MRE11: variants seen among roughly 807,000 people sequenced by gnomAD.
MRE11 encodes the protein double-strand break repair protein MRE11.
In MRE11, 62 loss-of-function variants were observed where a neutral mutation model predicts 91.7. The observed-to-expected ratio is 0.68, with a 90% CI of 0.55 to 0.84. MRE11 has a LOEUF of 0.84. Among genes scored for constraint, MRE11 ranks in the 40% least tolerant of loss-of-function variants. The pLI is 0.00. For synonymous variants in MRE11, 273 were observed against 271.4 expected (o/e 1.01, Z -0.06); for missense variants, 796 against 852.9 (o/e 0.93, Z 0.83).
intron 19 of MRE11, 71 bp downstream of exon 19, chr11:94,429,840 T>C: frequency 7.5e-7 from 1 of 1,325,714 alleles, no homozygotes; most frequent in Non-Finnish European, 1.0e-6. Context: ...GTTCAGCAAC[T>C]AGCTGGCAGT....
intron 3 of MRE11, among the ~76,000 whole-genome samples, chr11:94,489,926 AC>A (rs1280894527): frequency 1.3e-5 from 2 of 151,984 alleles, no homozygotes; most frequent in East Asian, 3.9e-4. Flanking sequence ...CAAACTCCAC[AC>A]ACTTCAGAGT....
chr11:94,450,775 A>T (rs994455387), intron 14 of MRE11, among the ~76,000 whole-genome samples: 3 of 152,194 alleles, frequency 2.0e-5, no homozygotes, highest in Non-Finnish European at 4.4e-5. Flanking sequence ...TCTGTATCCA[A>T]AAAGCTAGGA....
At position 94,453,028 on chromosome 11, in the gene MRE11, T is replaced by C. The variant is rs186657013; in HGVS notation, c.1563+3248A>G. Among the ~76,000 whole-genome samples the C allele has an allele frequency of 1.5e-4, 23 of 152,318 alleles. No homozygotes were observed. In the East Asian group the frequency reaches 3.7e-3, roughly 24 times the overall value. ...CCAGTAACCACTATTCTACCTTCTGTTTCTATGAATCTGATTACTCTAGGT... is the reference window on the plus strand; with the variant it reads ...CCAGTAACCACTATTCTACCTTCTGCTTCTATGAATCTGATTACTCTAGGT... On this transcript the variant is annotated intron_variant, in intron 14 of 19. Coordinates refer to ENST00000323929, the MANE Select transcript of MRE11 (RefSeq NM_005591.4).
intron 19 of MRE11, among the ~76,000 whole-genome samples, chr11:94,422,877 C>T (rs1039595645): frequency 6.6e-6 from 1 of 152,066 alleles, no homozygotes; most frequent in African/African-American, 2.4e-5. Context: ...CCATGTCCGG[C>T]TAATTTTGTA....
intron 17 of MRE11, 56 bp from the exon 18 acceptor site, chr11:94,435,955 A>C: frequency 7.0e-7 from 1 of 1,428,590 alleles, no homozygotes; most frequent in Non-Finnish European, 9.9e-7. Flanking sequence ...CTGAATAAAA[A>C]TGAAAATGAA....
chr11:94,433,593 G>T (rs547927398), intron 18 of MRE11, among the ~76,000 whole-genome samples: 2 of 152,138 alleles, frequency 1.3e-5, no homozygotes, highest in Non-Finnish European at 2.9e-5. Flanking sequence ...ATTGAATCAC[G>T]GGGGCAGTTC....
upstream of MRE11, chr11:94,493,856 G>T (rs535761251): frequency 6.6e-6 from 1 of 152,354 alleles, no homozygotes; most frequent in Non-Finnish European, 1.5e-5. Flanking sequence ...TTTCTCTCGC[G>T]ACACTTCATG....
Position 94,479,717 on chromosome 11 carries a change from A to G in MRE11, c.359T>C (p.Ile120Thr). Residue 120 changes from isoleucine to threonine, a missense_variant, in exon 5 of 20, where the codon ATT becomes ACT. Transcript: ENST00000323929. ...NYQDGNLNIS[I>T]PVFSIHGNHD... ...ATTGCCATGAATACTAAACACTGGA[A>G]TTGAAATGTTGAGGTTGCCATCTTG... 6.2e-7 allele frequency: 1 copy of G among 1,613,232 alleles called. No homozygotes were observed. The highest frequency in any genetic ancestry group is 8.5e-7 in the Non-Finnish European group (1 of 1,179,742).
chr11:94,466,447 C>T, intron 10 of MRE11: 1 of 525,386 alleles, frequency 1.9e-6, no homozygotes, highest in South Asian at 1.4e-5. Context: ...AGATTACCTA[C>T]TGTGCAACAG....
At chr11:94,484,603 T>C (rs369599310) in intron 4 of MRE11, among the ~76,000 whole-genome samples, 222 of 152,330 alleles carry the variant, frequency 1.5e-3, no homozygotes, top group South Asian at 4.1e-3. Context: ...TGGAGAAACC[T>C]GGCAGAGACC....
chr11:94,492,056 T>C (rs1165640629), intron 2 of MRE11, among the ~76,000 whole-genome samples: 2 of 152,190 alleles, frequency 1.3e-5, no homozygotes, highest in Non-Finnish European at 2.9e-5. Flanking sequence ...ACTGCTGACT[T>C]GCCCAAGGTC....
intron 14 of MRE11, among the ~76,000 whole-genome samples, chr11:94,454,367 C>T (rs1336712300): frequency 6.6e-6 from 1 of 152,102 alleles, no homozygotes; most frequent in Non-Finnish European, 1.5e-5. Context: ...TCACAATGCC[C>T]AGCCTGAAAG....
chr11:94,438,351 C>A (rs1279026886), intron 16 of MRE11, among the ~76,000 whole-genome samples: 2 of 152,176 alleles, frequency 1.3e-5, no homozygotes, highest in Non-Finnish European at 2.9e-5. Context: ...TTCTATCTAA[C>A]CTAAATTTAT....
chr11:94,470,428 T>C, intron 9 of MRE11, 43 bp downstream of exon 9: 9 of 1,582,996 alleles, frequency 5.7e-6, no homozygotes, highest in Non-Finnish European at 7.8e-6. Flanking sequence ...TGAATAATTC[T>C]TCAACTAAAG....
intron 19 of MRE11, among the ~76,000 whole-genome samples, chr11:94,422,200 T>G (rs939350906): frequency 6.6e-6 from 1 of 152,122 alleles, no homozygotes; most frequent in African/African-American, 2.4e-5. Flanking sequence ...GTCATGTAGT[T>G]TTATTTAAAC....
rs907660509 is a variant in MRE11 at position 94,437,228 on chromosome 11, T to G, written c.1875A>C (p.Lys625Asn). The change falls in exon 17 of 20, where the codon AAA (lysine) becomes AAC (asparagine). Residue 625 changes from lysine to asparagine, a missense_variant. Physicochemically the swap from Lys to Asn is moderately conservative, Grantham distance 94. Transcript: ENST00000323929. ...SRNMSIIDAF[K>N]STRQQPSRNV... ...TTCGGGAAGGCTGCTGTCTTGTAGA[T>G]TTAAAGGCTAGAATGAAAAAGATGA... 11 of 1,612,698 alleles carry G rather than the reference T, an allele frequency of 6.8e-6. No individual in the cohort carries two copies. Among genetic ancestry groups the G allele is most frequent in the African/African-American group, 1.3e-5 (1 of 74,880 alleles).
At chr11:94,452,230 C>A (rs1383114882) in intron 14 of MRE11, among the ~76,000 whole-genome samples, 3 of 150,818 alleles carry the variant, frequency 2.0e-5, no homozygotes, top group Non-Finnish European at 3.0e-5. Flanking sequence ...AGACCAATAC[C>A]CTACTCGAAA....
At chr11:94,461,868 G>A (rs539587739) in intron 11 of MRE11, among the ~76,000 whole-genome samples, 31 of 152,254 alleles carry the variant, frequency 2.0e-4, no homozygotes, top group Middle Eastern at 3.4e-3. Context: ...AAGGTCAGGA[G>A]ATCGAGACCA....
chr11:94,418,296 T>A lies in MRE11; in HGVS notation c.*1829A>T, dbSNP rs549834262. 8.1e-5 allele frequency: 19 copies of A among 233,244 alleles called. No individual in the cohort carries two copies. Among genetic ancestry groups the A allele is most frequent in the South Asian group, 3.6e-4 (2 of 5,526 alleles). The allele number at this position is 233,244 out of a possible 1,614,324, so 14.4% of individuals were successfully genotyped here. A position where few individuals can be genotyped will look rare whatever the true frequency, so the allele number is the denominator to read the frequency against. On this transcript the variant is annotated 3_prime_UTR_variant, in exon 20 of 20. Transcript: ENST00000323929. ...ATGACCTGAATTAGCTGGAGAGATT[T>A]ATCACCCTCTGTAACTGCTATGTCA...
Sources: allele counts gnomAD v4.1 joint callset (sites outside exome capture counted in the v4.1 genomes callset), GRCh38; gene constraint gnomAD v4.1.1; transcripts MANE v1.5; gene names NCBI Gene and HGNC (gene_info 2026-07-23, HGNC 2026-07-21).